Variants in PACS1 observed in about 807,000 individuals in gnomAD.
The protein encoded by PACS1 is PACS-1.
A neutral mutation model predicts 115.0 loss-of-function variants in PACS1; 24 were observed. The ratio of observed to expected loss-of-function variants is 0.21; its 90% CI spans 0.15 to 0.29. The LOEUF (loss-of-function observed/expected upper bound fraction) is 0.29. PACS1 is among the 10% of genes least tolerant of loss of function. The probability of loss-of-function intolerance (pLI) is 1.00; values close to 1 mark genes in which losing one functional copy is unlikely to be tolerated. For missense variants in PACS1, 838 were observed against 1,251.2 expected, an observed-to-expected ratio of 0.67 and a Z score of 4.98; for synonymous variants, 453 against 504.5, an observed-to-expected ratio of 0.90 and a Z score of 1.37.
intron 1 of PACS1, among the ~76,000 whole-genome samples, chr11:66,115,736 T>G (rs1354983234): frequency 6.6e-6 from 1 of 152,242 alleles, no homozygotes; most frequent in Admixed American, 6.5e-5. Context: ...CCTGAGACCC[T>G]GTTTTTCTTT....
At chr11:66,229,877 C>T (rs965764126) in intron 11 of PACS1, among the ~76,000 whole-genome samples, 2 of 151,024 alleles carry the variant, frequency 1.3e-5, no homozygotes, top group African/African-American at 4.9e-5. Flanking sequence ...ACTTGGGAGG[C>T]GGAGGTTGCG....
intron 1 of PACS1, among the ~76,000 whole-genome samples, chr11:66,138,697 T>C (rs1355098031): frequency 2.0e-5 from 3 of 151,878 alleles, no homozygotes; most frequent in African/African-American, 7.3e-5. Context: ...TTTTTTTTTT[T>C]TTCGAGACAA....
At chr11:66,168,550 A>G (rs540371586) in intron 1 of PACS1, among the ~76,000 whole-genome samples, 12 of 150,190 alleles carry the variant, frequency 8.0e-5, no homozygotes, top group South Asian at 4.2e-4. Context: ...GTTGGTTTCA[A>G]TCCTCACCTA....
At chr11:66,188,277 G>A (rs1394025708) in intron 1 of PACS1, among the ~76,000 whole-genome samples, 1 of 150,858 alleles carries the variant, frequency 6.6e-6, no homozygotes, top group Non-Finnish European at 1.5e-5. Context: ...TCACTCTGTA[G>A]ATTGTTTCCT....
chr11:66,141,930 T>C (rs913429847), intron 1 of PACS1, among the ~76,000 whole-genome samples: 7 of 151,968 alleles, frequency 4.6e-5, no homozygotes, highest in African/African-American at 1.7e-4. Context: ...CTCAGCCTCC[T>C]GAGTAGCTGG....
At position 66,202,741 on chromosome 11, in the gene PACS1, AAATATATATATATATATAT is replaced by A. The variant is rs1374152261; in HGVS notation, c.445-7619_445-7601del. 1.6e-4 allele frequency among the ~76,000 whole-genome samples: 15 copies of A among 93,882 alleles called. 2 individuals carry two copies. In the East Asian group the frequency reaches 4.4e-3, roughly 28 times the overall value. 61.6% of individuals were successfully genotyped at this position (93,882 alleles called of 152,430 possible). A position where few individuals can be genotyped will look rare whatever the true frequency, so the allele number is the denominator to read the frequency against. On this transcript the variant is annotated intron_variant, in intron 2 of 23. Coordinates refer to ENST00000320580, the MANE Select transcript of PACS1 (RefSeq NM_018026.4). ...TCATCTCTAGGAAAAAAAAAAAAAA[AAATATATATATATATATAT>A]ATATATATATATATATATATATTCT...
intron 10 of PACS1, among the ~76,000 whole-genome samples, chr11:66,223,515 C>CA (rs1855404104): frequency 6.6e-6 from 1 of 151,988 alleles, no homozygotes; most frequent in Admixed American, 6.6e-5. Context: ...TGCATTTCCT[C>CA]ACATGGAACT....
intron 1 of PACS1, among the ~76,000 whole-genome samples, chr11:66,100,005 T>G (rs1391236683): frequency 1.3e-5 from 2 of 152,018 alleles, no homozygotes; most frequent in African/African-American, 4.8e-5. Context: ...CTCAGCCCCC[T>G]GAGTAGCTGG....
At chr11:66,154,086 G>T (rs1859302909) in intron 1 of PACS1, among the ~76,000 whole-genome samples, 1 of 152,152 alleles carries the variant, frequency 6.6e-6, no homozygotes, top group Admixed American at 6.6e-5. Flanking sequence ...TGATAAAAGG[G>T]TCAGTATCTT....
At chr11:66,142,772 G>A (rs1233297793) in intron 1 of PACS1, among the ~76,000 whole-genome samples, 1 of 151,980 alleles carries the variant, frequency 6.6e-6, no homozygotes, top group Non-Finnish European at 1.5e-5. Context: ...AAAAAAAAGA[G>A]GGAAGAAGGT....
At chr11:66,094,312 G>GA (rs1341448113) in intron 1 of PACS1, among the ~76,000 whole-genome samples, 4 of 150,400 alleles carry the variant, frequency 2.7e-5, no homozygotes, top group African/African-American at 9.7e-5. Context: ...GACTAATAAA[G>GA]AAAAAAAGAG....
intron 2 of PACS1, among the ~76,000 whole-genome samples, chr11:66,194,862 T>C (rs1216734895): frequency 6.6e-6 from 1 of 152,238 alleles, no homozygotes; most frequent in Non-Finnish European, 1.5e-5. Flanking sequence ...GTGAATCATA[T>C]ATTGAGGTGC....
In PACS1 at chr11:66,211,263, A is replaced by G. The variant is rs750598572; in HGVS notation, c.660+4A>G. Reference sequence around the variant, plus strand: ...GGGACTCATCAACATGGCAGAGGTGAGAGGAACACAGTCTCCAGACTGTTG... The same window carrying G: ...GGGACTCATCAACATGGCAGAGGTGGGAGGAACACAGTCTCCAGACTGTTG... On this transcript the variant is annotated splice_donor_region_variant and intron_variant, in intron 4 of 23. Transcript: ENST00000320580. 2 of 1,613,280 alleles carry G rather than the reference A, an allele frequency of 1.2e-6. No homozygotes were observed. The highest frequency in any genetic ancestry group is 1.3e-5 in the African/African-American group (1 of 75,008).
chr11:66,084,721 A>G (rs1462290332), intron 1 of PACS1, among the ~76,000 whole-genome samples: 1 of 152,164 alleles, frequency 6.6e-6, no homozygotes, highest in East Asian at 1.9e-4. Flanking sequence ...TCTTTGTGTC[A>G]GTTTTCTGTT....
In PACS1 at chr11:66,149,996, G is replaced by A. The variant is rs572877221; in HGVS notation, c.357-43490G>A. Among the ~76,000 whole-genome samples, 8 of 152,138 alleles carry A rather than the reference G, an allele frequency of 5.3e-5. No individual in the cohort carries two copies. In the East Asian group the frequency reaches 9.7e-4, roughly 18 times the overall value. On this transcript the variant is annotated intron_variant, in intron 1 of 23. Coordinates refer to ENST00000320580, the MANE Select transcript of PACS1 (RefSeq NM_018026.4). ...ACTTGCCACCTCAGGCGATCCACCC[G>A]TCTCGGCCTCCCAAAGTGCTGGGAT...
chr11:66,110,402 C>A (rs1858161685), intron 1 of PACS1, among the ~76,000 whole-genome samples: 2 of 152,172 alleles, frequency 1.3e-5, no homozygotes, highest in East Asian at 3.8e-4. Context: ...GCCTCGCCCT[C>A]CTGGGCTCAA....
At chr11:66,199,933 C>T (rs554540616) in intron 2 of PACS1, among the ~76,000 whole-genome samples, 95 of 151,858 alleles carry the variant, frequency 6.3e-4, no homozygotes, top group African/African-American at 2.1e-3. Context: ...GCAGGAGAAT[C>T]GCTGGAATCT....
rs542304914 is a variant in PACS1 at position 66,232,724 on chromosome 11, CTAG to C, written c.1732-235_1732-233del. Among the ~76,000 whole-genome samples the C allele has an allele frequency of 3.9e-5, 6 of 152,158 alleles. No individual in the cohort carries two copies. The East Asian group carries it at 1.2e-3, about 29-fold the overall frequency. On this transcript the variant is annotated intron_variant, in intron 14 of 23. Coordinates refer to ENST00000320580, the MANE Select transcript of PACS1 (RefSeq NM_018026.4). ...TGGTGCCGGGGACACCTGGAGTGTCCTAGCATGTGAAACCCCCTAAGGCTTCCC... is the reference window on the plus strand; with the variant it reads ...TGGTGCCGGGGACACCTGGAGTGTCCCATGTGAAACCCCCTAAGGCTTCCC...
chr11:66,205,816 T>C (rs534512958), intron 2 of PACS1, among the ~76,000 whole-genome samples: 21 of 152,124 alleles, frequency 1.4e-4, no homozygotes, highest in African/African-American at 4.6e-4. Context: ...AATATCTATA[T>C]GATAAGAATT....
Sources: allele counts gnomAD v4.1 joint callset (sites outside exome capture counted in the v4.1 genomes callset), GRCh38; gene constraint gnomAD v4.1.1; transcripts MANE v1.5; gene names NCBI Gene and HGNC (gene_info 2026-07-23, HGNC 2026-07-21).